The following MZF1 variants were observed in gnomAD, a reference collection of about 807,000 sequenced individuals.
MZF1 encodes zinc finger and SCAN domain-containing protein 6.
A neutral mutation model predicts 28.6 loss-of-function variants in MZF1; 24 were observed. That is an observed-to-expected ratio of 0.84 (90% CI 0.61 to 1.18). MZF1 has a LOEUF of 1.18. Ranked by LOEUF, MZF1 falls within the 50% of genes most tolerant of loss-of-function variation. The pLI is 0.00. For synonymous variants in MZF1, 516 were observed against 432.5 expected (o/e 1.19, Z -2.40); for missense variants, 1,166 against 1,026.4 (o/e 1.14, Z -1.86).
chr19:58,569,260 C>A lies in MZF1; in HGVS notation c.772+17G>T. The A allele has an allele frequency of 6.3e-7, 1 of 1,581,458 alleles. No individual in the cohort carries two copies. On this transcript the variant is annotated intron_variant, in intron 5 of 5. Transcript: ENST00000215057. ...CCATGCGGAAGGCCTAGTCCCACCA[C>A]ACCCCATCTCACTTACCTGGGGAGA...
chr19:58,562,429 C>T lies in MZF1; in HGVS notation c.1848G>A (p.Gln616=), dbSNP rs2053945615. 6.2e-7 allele frequency: 1 copy of T among 1,611,358 alleles called. No homozygotes were observed. Among genetic ancestry groups the T allele is most frequent in the Non-Finnish European group, 8.5e-7 (1 of 1,179,178 alleles). Residue 616 remains glutamine, a synonymous_variant, in exon 6 of 6, where the codon CAG becomes CAA. Coordinates refer to ENST00000215057, the MANE Select transcript of MZF1 (RefSeq NM_198055.2). ...AGGGCTTTTCGCCGGTGTGTGTCCT[C>T]TGATGACGCGTGAGCTTGAGGCGCT... is the stretch of plus-strand genomic sequence containing the variant. ...FSQRLKLTRH[Q]RTHTGEKPYH...
Position 58,571,128 on chromosome 19 carries a change from C to T in MZF1, c.262G>A (p.Val88Met). The change falls in exon 2 of 6, where the codon GTG (valine) becomes ATG (methionine). Residue 88 changes from valine (V) to methionine (M), a missense_variant. Physicochemically the swap from Val to Met is conservative, Grantham distance 21. Coordinates refer to ENST00000215057, the MANE Select transcript of MZF1 (RefSeq NM_198055.2). The stretch of plus-strand genomic sequence containing the variant: ...AGTGCGCCCAGGAACTGCTCCAGCA[C>T]CAACAGCTCCAGCATCTGCTCCTTG... The part of the protein sequence containing the change: ...RSKEQMLELL[V>M]LEQFLGALPP... 6.2e-7 allele frequency: 1 copy of T among 1,614,104 alleles called. No homozygotes were observed. The highest frequency in any genetic ancestry group is 8.5e-7 in the Non-Finnish European group (1 of 1,180,036).
In MZF1 at chr19:58,562,321, G is replaced by A; in HGVS notation, c.1956C>T (p.Pro652=). 2 of 1,609,804 alleles carry A rather than the reference G, an allele frequency of 1.2e-6. No homozygotes were observed. Among genetic ancestry groups the A allele is most frequent in the South Asian group, 1.1e-5 (1 of 90,866 alleles). Residue 652 remains proline, a synonymous_variant, in exon 6 of 6, where the codon CCC becomes CCT. Coordinates refer to ENST00000215057, the MANE Select transcript of MZF1 (RefSeq NM_198055.2). ...EHQRIHTGER[P]FACPECGQSF... ...TCTGGCCGCACTCGGGGCAGGCGAA[G>A]GGCCGTTCGCCCGTGTGGATGCGCT... is the stretch of plus-strand genomic sequence containing the variant.
rs868632915 is a variant in MZF1, at chr19:58,562,113, T to C, written c.2164A>G (p.Thr722Ala). ...ACGCGCTGGTGCTGAATGAGCTTGGTGCTCTGGTGGAAGCGGCGGCCACAG... is the reference window on the plus strand; with the variant it reads ...ACGCGCTGGTGCTGAATGAGCTTGGCGCTCTGGTGGAAGCGGCGGCCACAG... ...QDCGRRFHQS[T>A]KLIQHQRVHS... is the part of the protein sequence containing the mutation. The change falls in exon 6 of 6, where the codon ACC (threonine) becomes GCC (alanine). Residue 722 changes from threonine to alanine, a missense_variant. By Grantham distance (58) the Thr-to-Ala change is moderately conservative. Transcript: ENST00000215057. 6.3e-7 allele frequency: 1 copy of C among 1,587,964 alleles called. No individual in the cohort carries two copies. The highest frequency in any genetic ancestry group is 8.6e-7 in the Non-Finnish European group (1 of 1,168,804).
chr19:58,566,867 T>G lies in MZF1; in HGVS notation c.772+2410A>C, dbSNP rs1158393031. The stretch of plus-strand genomic sequence containing the variant: ...AAATAGATAGATAGATAAACCTCTC[T>G]GGCTGCAAAGAAAAGGCACAGTTTT... On this transcript the variant is annotated intron_variant, in intron 5 of 5. Coordinates refer to ENST00000215057, the MANE Select transcript of MZF1 (RefSeq NM_198055.2). Among the ~76,000 whole-genome samples, 3 of 151,370 alleles carry G rather than the reference T, an allele frequency of 2.0e-5. No homozygotes were observed. The South Asian group carries it at 6.2e-4, about 32-fold the overall frequency.
intron 5 of MZF1, among the ~76,000 whole-genome samples, chr19:58,565,521 C>T (rs2054031484): frequency 6.6e-6 from 1 of 151,644 alleles, no homozygotes; most frequent in Non-Finnish European, 1.5e-5. Context: ...TGAGCCACCA[C>T]GCCCAGCCCG....
intron 3 of MZF1, chr19:58,569,892 G>C (rs2054125976): frequency 2.8e-6 from 1 of 356,208 alleles, no homozygotes; most frequent in Non-Finnish European, 5.2e-6. Context: ...GTCCACATAG[G>C]AATGGCAGGG....
intron 5 of MZF1, among the ~76,000 whole-genome samples, chr19:58,564,902 GTTTTT>G (rs71190056): frequency 7.1e-5 from 3 of 41,992 alleles, no homozygotes; most frequent in African/African-American, 1.5e-4. Flanking sequence ...CCATGTGTGT[GTTTTT>G]TTTTTTTTTT....
Position 58,567,889 on chromosome 19 carries a change from G to A in MZF1, c.772+1388C>T, listed in dbSNP as rs115576544. Among the ~76,000 whole-genome samples the A allele has an allele frequency of 3.4e-3, 523 of 152,166 alleles. 3 individuals carry two copies. The highest frequency in any genetic ancestry group is 0.012 in the African/African-American group (501 of 41,496). ...CATTGTAAATGAAAGAACAACAGGA[G>A]ACAGCTAAAAAGATGAACATTCAGA... On this transcript the variant is annotated intron_variant, in intron 5 of 5. Coordinates refer to ENST00000215057, the MANE Select transcript of MZF1 (RefSeq NM_198055.2).
At chr19:58,566,193 T>A (rs994741966) in intron 5 of MZF1, among the ~76,000 whole-genome samples, 2 of 148,736 alleles carry the variant, frequency 1.3e-5, no homozygotes, top group Non-Finnish European at 3.0e-5. Context: ...ACGCCTGTGA[T>A]CCCGGCACTT....
rs74358049 is a variant in MZF1 at position 58,567,831 on chromosome 19, A to G, written c.772+1446T>C. On this transcript the variant is annotated intron_variant, in intron 5 of 5. Coordinates refer to ENST00000215057, the MANE Select transcript of MZF1 (RefSeq NM_198055.2). Reference sequence around the variant, plus strand: ...GAGAACACACTGTTTTTTTTTAAAAAGTTACTGCTGTTCTCAGAGAAATAA... The same window carrying G: ...GAGAACACACTGTTTTTTTTTAAAAGGTTACTGCTGTTCTCAGAGAAATAA... Among the ~76,000 whole-genome samples, 24 of 152,332 alleles carry G rather than the reference A, an allele frequency of 1.6e-4. No homozygotes were observed. In the East Asian group the frequency reaches 4.6e-3, roughly 29 times the overall value.
chr19:58,566,754 A>G (rs1336230976), intron 5 of MZF1, among the ~76,000 whole-genome samples: 1 of 152,146 alleles, frequency 6.6e-6, no homozygotes, highest in African/African-American at 2.4e-5. Context: ...CAGGAGGATC[A>G]CTTGAGGTCA....
In MZF1 at chr19:58,563,058, TGTGCGTAAGCTGGTGGCGCAGCAG is replaced by T. The variant is rs1227567609; in HGVS notation, c.1195_1218del (p.Leu399_His406del). 8 of 1,603,160 alleles carry T rather than the reference TGTGCGTAAGCTGGTGGCGCAGCAG, an allele frequency of 5.0e-6. No homozygotes were observed. The African/African-American group carries it at 1.1e-4, about 21-fold the overall frequency. The stretch of plus-strand genomic sequence containing the variant: ...CCGCACACGAACGGCCGCTCCTCGG[TGTGCGTAAGCTGGTGGCGCAGCAG>T]GTGCGAGCTGCGGCTGAAGCTGCGG... On this transcript the variant is annotated inframe_deletion, in exon 6 of 6. Transcript: ENST00000215057.
At position 58,570,786 on chromosome 19, in the gene MZF1, C is replaced by G. The variant is rs1485166037; in HGVS notation, c.396+208G>C. 2.0e-5 allele frequency: 13 copies of G among 659,696 alleles called. No individual in the cohort carries two copies. The South Asian group carries it at 2.6e-4, about 13-fold the overall frequency. The allele number at this position is 659,696 out of a possible 1,614,324, so 40.9% of individuals were successfully genotyped here. Reference sequence around the variant, plus strand: ...CCCTAGCCTGCAGCTCCTATGTCCACGTGACTGCAGGTGATGCAGGAATGG... The same window carrying G: ...CCCTAGCCTGCAGCTCCTATGTCCAGGTGACTGCAGGTGATGCAGGAATGG... On this transcript the variant is annotated intron_variant, in intron 2 of 5. Transcript: ENST00000215057.
chr19:58,564,912 T>TG (rs2054014631), intron 5 of MZF1, among the ~76,000 whole-genome samples: 3 of 88,252 alleles, frequency 3.4e-5, no homozygotes, highest in African/African-American at 4.7e-5. Context: ...GTTTTTTTTT[T>TG]TTTTTTTTTT....
chr19:58,566,269 A>G (rs963667114), intron 5 of MZF1, among the ~76,000 whole-genome samples: 4 of 151,852 alleles, frequency 2.6e-5, no homozygotes, highest in African/African-American at 9.7e-5. Flanking sequence ...CAACATGGGG[A>G]AACCCCGTCT....
intron 2 of MZF1, 87 bp from the exon 3 acceptor site, chr19:58,570,614 G>A (rs1223290767): frequency 4.3e-6 from 6 of 1,386,160 alleles, no homozygotes; most frequent in African/African-American, 1.5e-5. Context: ...TCCCACTGTA[G>A]GATCCCAGGG....
chr19:58,562,322 G>T lies in MZF1; in HGVS notation c.1955C>A (p.Pro652His). 1 of 1,609,990 alleles carries T rather than the reference G, an allele frequency of 6.2e-7. No individual in the cohort carries two copies. The stretch of plus-strand genomic sequence containing the variant: ...CTGGCCGCACTCGGGGCAGGCGAAG[G>T]GCCGTTCGCCCGTGTGGATGCGCTG... ...EHQRIHTGER[P>H]FACPECGQSF... is the part of the protein sequence containing the mutation. Residue 652 changes from proline to histidine, a missense_variant, in exon 6 of 6, where the codon CCC becomes CAC. By Grantham distance (77) the Pro-to-His change is moderately conservative. Transcript: ENST00000215057.
At position 58,562,228 on chromosome 19, in the gene MZF1, G is replaced by A. The variant is rs778327899; in HGVS notation, c.2049C>T (p.Cys683=). 6.3e-5 allele frequency: 101 copies of A among 1,608,680 alleles called. No homozygotes were observed. The highest frequency in any genetic ancestry group is 1.6e-4 in the Middle Eastern group (1 of 6,078). Residue 683 remains cysteine, a synonymous_variant, in exon 6 of 6, where the codon TGC becomes TGT. Coordinates refer to ENST00000215057, the MANE Select transcript of MZF1 (RefSeq NM_198055.2). ...RIHTGERPYA[C]PECGKAFRQR... is the part of the protein sequence containing the mutation. ...GGCGGAAGGCCTTGCCACACTCAGGGCATGCGTAGGGCCGTTCACCCGTGT... is the reference window on the plus strand; with the variant it reads ...GGCGGAAGGCCTTGCCACACTCAGGACATGCGTAGGGCCGTTCACCCGTGT...
Sources: gnomAD v4.1 joint callset for allele counts (sites outside exome capture counted in the v4.1 genomes callset) on GRCh38, gnomAD v4.1.1 for gene constraint, MANE v1.5 for transcripts, NCBI Gene and HGNC (gene_info 2026-07-23, HGNC 2026-07-21) for gene names.